Variants in OAS1 observed in about 807,000 individuals in gnomAD.
OAS1 encodes 2'-5'-oligoadenylate synthase 1.
In OAS1, 24 loss-of-function variants were observed where a neutral mutation model predicts 38.5. That is an observed-to-expected ratio of 0.62 (90% CI 0.45 to 0.88). The LOEUF is 0.88. OAS1 is among the 40% of genes least tolerant of loss of function. The pLI, the probability that OAS1 is intolerant of heterozygous loss-of-function variation, is 0.00. For synonymous variants in OAS1, 169 were observed against 193.9 expected, an observed-to-expected ratio of 0.87 and a Z score of 1.07; for missense variants, 482 against 493.9, an observed-to-expected ratio of 0.98 and a Z score of 0.23.
intron 6 of OAS1, among the ~76,000 whole-genome samples, chr12:112,929,999 G>T (rs2043587573): frequency 1.3e-5 from 2 of 152,176 alleles, no homozygotes; most frequent in Admixed American, 6.5e-5. Flanking sequence ...TGGAGGTGGG[G>T]CCTGTTGGGA....
At chr12:112,923,190 A>G (rs1001763368), downstream of OAS1, among the ~76,000 whole-genome samples, 2 of 152,226 alleles carry the variant, frequency 1.3e-5, no homozygotes, top group Non-Finnish European at 2.9e-5. Context: ...TGCAGTAAAC[A>G]TGGGAATGCA....
At chr12:112,914,171 G>T (rs560072499) in intron 3 of OAS1, among the ~76,000 whole-genome samples, 1 of 152,160 alleles carries the variant, frequency 6.6e-6, no homozygotes, top group Non-Finnish European at 1.5e-5. Flanking sequence ...CCACATATGA[G>T]TGAGAACATA....
rs753837415 is a variant in OAS1 at position 112,908,650 on chromosome 12, A to T, written c.295A>T (p.Ile99Phe). 3 of 1,614,100 alleles carry T rather than the reference A, an allele frequency of 1.9e-6. No homozygotes were observed. The highest frequency in any genetic ancestry group is 2.7e-5 in the African/African-American group (2 of 74,936). Residue 99 changes from isoleucine to phenylalanine, a missense_variant, in exon 2 of 6, where the codon ATC becomes TTC. Physicochemically the swap from Ile to Phe is conservative, Grantham distance 21. Coordinates refer to ENST00000202917, the MANE Select transcript of OAS1 (RefSeq NM_016816.4). ...TCAGTTAAATCGCCGGGGAGAGTTC[A>T]TCCAGGAAATTAGGAGACAGCTGGA... Reference protein sequence around the residue: ...QDQLNRRGEFIQEIRRQLEAC... With the variant: ...QDQLNRRGEFFQEIRRQLEAC...
chr12:112,910,846 C>T (rs1000641106), intron 2 of OAS1, among the ~76,000 whole-genome samples: 7 of 152,022 alleles, frequency 4.6e-5, no homozygotes, highest in East Asian at 1.9e-4. Flanking sequence ...GCCATAGTTC[C>T]GGCGAGTGAC....
Position 112,907,095 on chromosome 12 carries a change from A to C in OAS1, c.56A>C (p.Tyr19Ser). Residue 19 changes from tyrosine (Y) to serine (S), a missense_variant, in exon 1 of 6, where the codon TAT becomes TCT. Coordinates refer to ENST00000202917, the MANE Select transcript of OAS1 (RefSeq NM_016816.4). ...AKSLDKFIED[Y>S]LLPDTCFRMQ... Reference sequence around the variant, plus strand: ...TCTCTGGACAAGTTCATTGAAGACTATCTCTTGCCAGACACGTGTTTCCGC... The same window carrying C: ...TCTCTGGACAAGTTCATTGAAGACTCTCTCTTGCCAGACACGTGTTTCCGC... 2 of 1,614,212 alleles carry C rather than the reference A, an allele frequency of 1.2e-6. No homozygotes were observed. Among genetic ancestry groups the C allele is most frequent in the South Asian group, 2.2e-5 (2 of 91,078 alleles).
intron 5 of OAS1, chr12:112,918,061 T>A (rs1381851440): frequency 1.7e-6 from 1 of 572,760 alleles, no homozygotes; most frequent in Non-Finnish European, 2.5e-6. Context: ...TTTTATTATT[T>A]TAGATTCAGA....
At chr12:112,911,024 C>T in intron 2 of OAS1, 27 bp from the exon 3 acceptor site, 1 of 1,602,606 alleles carries the variant, frequency 6.2e-7, no homozygotes, top group Non-Finnish European at 8.5e-7. Context: ...AGAGCTGACA[C>T]CTAAGTTGTA....
intron 2 of OAS1, 31 bp downstream of exon 2, chr12:112,908,855 T>C (rs2043338158): frequency 1.3e-6 from 2 of 1,538,900 alleles, no homozygotes; most frequent in South Asian, 2.6e-5. Flanking sequence ...TTTCTCCCTC[T>C]TCCCATTTCT....
chr12:112,929,121 G>C (rs2043581245), intron 6 of OAS1, among the ~76,000 whole-genome samples: 1 of 152,226 alleles, frequency 6.6e-6, no homozygotes, highest in South Asian at 2.1e-4. Context: ...CCCCATGCCA[G>C]AATTGTCACC....
intron 3 of OAS1, among the ~76,000 whole-genome samples, chr12:112,912,075 C>T (rs919901569): frequency 6.6e-6 from 1 of 152,240 alleles, no homozygotes; most frequent in Non-Finnish European, 1.5e-5. Flanking sequence ...CGGTAGCTCA[C>T]ACCAGTAATC....
intron 3 of OAS1, among the ~76,000 whole-genome samples, chr12:112,914,990 G>C (rs993729770): frequency 6.7e-6 from 1 of 149,092 alleles, no homozygotes; most frequent in Non-Finnish European, 1.5e-5. Context: ...TTTTCTTGCT[G>C]ATTCGTTTGA....
chr12:112,916,873 C>G (rs1397782620), intron 4 of OAS1, 135 bp downstream of exon 4: 17 of 682,384 alleles, frequency 2.5e-5, no homozygotes, highest in Middle Eastern at 2.5e-4. Context: ...TTGTACTGGG[C>G]ATTTTACTAC....
chr12:112,918,073 G>A, intron 5 of OAS1: 2 of 435,868 alleles, frequency 4.6e-6, no homozygotes, highest in Non-Finnish European at 7.2e-6. Context: ...AGATTCAGAG[G>A]GCACATGTGC....
intron 6 of OAS1, among the ~76,000 whole-genome samples, chr12:112,929,476 G>C (rs747331762): frequency 2.6e-5 from 4 of 152,292 alleles, no homozygotes; most frequent in Middle Eastern, 6.8e-3. Flanking sequence ...TTCTGCATTT[G>C]GGAGTTTGTT....
At chr12:112,924,467 T>TAC (rs72345680), downstream of OAS1, among the ~76,000 whole-genome samples, 2 of 12,620 alleles carry the variant, frequency 1.6e-4, no homozygotes, top group East Asian at 7.2e-3. Context: ...ATCTATATTT[T>TAC]ATATATATAT....
intron 6 of OAS1, among the ~76,000 whole-genome samples, chr12:112,931,599 T>C (rs2043597455): frequency 2.0e-5 from 3 of 152,240 alleles, no homozygotes; most frequent in South Asian, 2.1e-4. Context: ...CATTTGCTCA[T>C]GTGGTACAGA....
At chr12:112,925,830 T>C (rs1370900799) in intron 6 of OAS1, among the ~76,000 whole-genome samples, 1 of 152,130 alleles carries the variant, frequency 6.6e-6, no homozygotes, top group Non-Finnish European at 1.5e-5. Flanking sequence ...TTGGGTGCAA[T>C]TGTGGCTCTT....
intron 6 of OAS1, among the ~76,000 whole-genome samples, chr12:112,927,419 G>A (rs201110912): frequency 2.4e-4 from 3 of 12,620 alleles, no homozygotes; most frequent in East Asian, 3.7e-3. Context: ...TAGGATCTTC[G>A]GTGGATTTAA....
intron 1 of OAS1, 86 bp downstream of exon 1, chr12:112,907,305 G>C: frequency 3.7e-6 from 5 of 1,346,502 alleles, no homozygotes; most frequent in Non-Finnish European, 5.2e-6. Context: ...AGAGAGAGAA[G>C]CAAAAACCTA....
Sources: allele counts gnomAD v4.1 joint callset (sites outside exome capture counted in the v4.1 genomes callset), GRCh38; gene constraint gnomAD v4.1.1; transcripts MANE v1.5; gene names NCBI Gene and HGNC (gene_info 2026-07-23, HGNC 2026-07-21).